HTR1F: variants seen among roughly 807,000 people sequenced by gnomAD.
The protein encoded by HTR1F is 5-hydroxytryptamine (serotonin) receptor 1F, G protein-coupled.
In HTR1F, 17 loss-of-function variants were observed where a neutral mutation model predicts 24.0. The observed-to-expected ratio is 0.71, with a 90% confidence interval of 0.48 to 1.06. The LOEUF (loss-of-function observed/expected upper bound fraction) is 1.06, where lower values mean the gene tolerates loss of function less well. Ranked by LOEUF, HTR1F falls within the 50% of genes least tolerant of loss-of-function variation. HTR1F has a pLI of 0.00. For missense variants in HTR1F, 391 were observed against 427.8 expected (o/e 0.91, Z 0.76); for synonymous variants, 186 against 156.8 (o/e 1.19, Z -1.39).
At chr3:87,830,201 G>A (rs773987796) in intron 2 of HTR1F, among the ~76,000 whole-genome samples, 2 of 152,104 alleles carry the variant, frequency 1.3e-5, no homozygotes, top group African/African-American at 2.4e-5. Context: ...GAGAGTCTAT[G>A]AGCCCCTTGA....
At chr3:87,979,347 C>A (rs1192384327) in intron 2 of HTR1F, among the ~76,000 whole-genome samples, 1 of 152,060 alleles carries the variant, frequency 6.6e-6, no homozygotes, top group Non-Finnish European at 1.5e-5. Flanking sequence ...TTCCCAACAC[C>A]AGAGGGTGAT....
chr3:87,880,693 C>T (rs1235187047), intron 2 of HTR1F, among the ~76,000 whole-genome samples: 33 of 144,856 alleles, frequency 2.3e-4, no homozygotes, highest in African/African-American at 8.6e-4. Context: ...TGAGTATGTC[C>T]ATATATGGCG....
At chr3:87,942,045 G>C (rs189236830) in intron 2 of HTR1F, among the ~76,000 whole-genome samples, 2 of 152,068 alleles carry the variant, frequency 1.3e-5, no homozygotes, top group Non-Finnish European at 2.9e-5. Context: ...ACTTGAACAA[G>C]ATGGGCATTC....
chr3:87,887,603 T>C (rs1705980516), intron 2 of HTR1F, among the ~76,000 whole-genome samples: 1 of 152,194 alleles, frequency 6.6e-6, no homozygotes, highest in Admixed American at 6.5e-5. Flanking sequence ...ATCCAGAATC[T>C]ACAAAGAACT....
chr3:87,819,192 G>T (rs982031324), intron 1 of HTR1F, among the ~76,000 whole-genome samples: 1 of 152,054 alleles, frequency 6.6e-6, no homozygotes, highest in African/African-American at 2.4e-5. Context: ...AATTTGGGGG[G>T]ATGCATTGGA....
At chr3:87,962,398 G>A (rs967145424) in intron 2 of HTR1F, among the ~76,000 whole-genome samples, 3 of 152,026 alleles carry the variant, frequency 2.0e-5, no homozygotes, top group African/African-American at 7.2e-5. Context: ...AGCTTTATTT[G>A]AATAAATGTA....
intron 1 of HTR1F, among the ~76,000 whole-genome samples, chr3:87,802,041 C>T (rs1703998098): frequency 7.1e-6 from 1 of 140,640 alleles, no homozygotes; most frequent in Admixed American, 7.1e-5. Context: ...TCTTCCCTCC[C>T]TCCCTTCCTT....
chr3:87,973,047 T>C (rs989699238), intron 2 of HTR1F, among the ~76,000 whole-genome samples: 1 of 151,126 alleles, frequency 6.6e-6, no homozygotes, highest in African/African-American at 2.4e-5. Context: ...GGTGTGCACC[T>C]GTAATCCCAG....
intron 2 of HTR1F, among the ~76,000 whole-genome samples, chr3:87,897,614 C>T (rs1706230746): frequency 6.6e-6 from 1 of 152,086 alleles, no homozygotes; most frequent in South Asian, 2.1e-4. Flanking sequence ...CCCACTATGG[C>T]ATATAAAACC....
intron 2 of HTR1F, among the ~76,000 whole-genome samples, chr3:87,836,900 C>T (rs967476616): frequency 7.6e-5 from 11 of 144,964 alleles, no homozygotes; most frequent in Admixed American, 3.4e-4. Flanking sequence ...TTAATTATAA[C>T]TTTTATCTTT....
At chr3:87,803,040 C>T (rs1704019372) in intron 1 of HTR1F, among the ~76,000 whole-genome samples, 1 of 152,046 alleles carries the variant, frequency 6.6e-6, no homozygotes, top group African/African-American at 2.4e-5. Context: ...CTATTCTTAC[C>T]TTTCCTAAAT....
chr3:87,856,207 A>G (rs773579548), intron 2 of HTR1F, among the ~76,000 whole-genome samples: 5 of 151,990 alleles, frequency 3.3e-5, no homozygotes, highest in Admixed American at 2.6e-4. Context: ...TTTATTATAG[A>G]TATTTATTTA....
intron 2 of HTR1F, among the ~76,000 whole-genome samples, chr3:87,937,831 G>T (rs149943928): frequency 7.1e-4 from 108 of 151,974 alleles, no homozygotes; most frequent in African/African-American, 2.5e-3. Context: ...GACTGAGGCA[G>T]GAGAATCGCT....
rs1416187269 is a variant in HTR1F, at chr3:87,973,021, T to A, written c.-42-17687T>A. The stretch of plus-strand genomic sequence containing the variant: ...ACTAAAATACAAAAAAAAAAAAAAA[T>A]TTAGCCAGGCATGGTGGTGTGCACC... On this transcript the variant is annotated intron_variant, in intron 2 of 2. Coordinates refer to ENST00000319595, the MANE Select transcript of HTR1F (RefSeq NM_001322209.2). 9.8e-5 allele frequency among the ~76,000 whole-genome samples: 12 copies of A among 121,918 alleles called. No homozygotes were observed. In the East Asian group the frequency reaches 1.8e-3, roughly 18 times the overall value. The allele number at this position is 121,918 out of a possible 152,430, so 80.0% of individuals were successfully genotyped here.
At position 87,991,512 on chromosome 3, in the gene HTR1F, T is replaced by C; in HGVS notation, c.763T>C (p.Ser255Pro). 1 of 1,613,674 alleles carries C rather than the reference T, an allele frequency of 6.2e-7. No individual in the cohort carries two copies. Reference protein sequence around the residue: ...YVLEKSLSDPSTDFDKIHSTV... With the variant: ...YVLEKSLSDPPTDFDKIHSTV... ...ACTAGAAAAGTCTTTATCTGACCCA[T>C]CAACAGACTTTGATAAAATTCATAG... Residue 255 changes from serine to proline, a missense_variant, in exon 3 of 3, where the codon TCA (serine) becomes CCA (proline). Physicochemically the swap from Ser to Pro is moderately conservative, Grantham distance 74. Coordinates refer to ENST00000319595, the MANE Select transcript of HTR1F (RefSeq NM_001322209.2).
intron 2 of HTR1F, among the ~76,000 whole-genome samples, chr3:87,898,961 T>C (rs1706261830): frequency 6.6e-6 from 1 of 152,158 alleles, no homozygotes; most frequent in Non-Finnish European, 1.5e-5. Flanking sequence ...TTACAAGGAA[T>C]CTATTTCCTT....
At chr3:87,849,137 C>A (rs537079692) in intron 2 of HTR1F, among the ~76,000 whole-genome samples, 2 of 151,678 alleles carry the variant, frequency 1.3e-5, no homozygotes, top group East Asian at 3.9e-4. Context: ...CAAAAAAGAG[C>A]CCGCATTGCC....
intron 2 of HTR1F, among the ~76,000 whole-genome samples, chr3:87,822,516 T>C (rs1337221375): frequency 6.6e-6 from 1 of 152,252 alleles, no homozygotes; most frequent in Admixed American, 6.5e-5. Flanking sequence ...TTCTCAATTA[T>C]AATAATGATT....
intron 2 of HTR1F, among the ~76,000 whole-genome samples, chr3:87,924,445 G>A (rs1475534520): frequency 6.6e-6 from 1 of 151,982 alleles, no homozygotes; most frequent in African/African-American, 2.4e-5. Context: ...TTCTTTCTCA[G>A]TTGTATGTCT....
Sources: allele counts gnomAD v4.1 joint callset (sites outside exome capture counted in the v4.1 genomes callset), GRCh38; gene constraint gnomAD v4.1.1; transcripts MANE v1.5; gene names NCBI Gene and HGNC (gene_info 2026-07-23, HGNC 2026-07-21).